AP1S2: variants seen among roughly 807,000 people sequenced by gnomAD.
AP1S2 encodes adaptor related protein complex 1 subunit sigma 2, also known as AP-1 complex subunit sigma-2.
A neutral mutation model predicts 14.3 loss-of-function variants in AP1S2; 1 was observed. The observed-to-expected ratio is 0.07, with a 90% CI of 0.02 to 0.33. The LOEUF (loss-of-function observed/expected upper bound fraction) is 0.33, where lower values mean the gene tolerates loss of function less well. Among genes scored for constraint, AP1S2 ranks in the 10% least tolerant of loss-of-function variants. AP1S2 has a pLI of 0.99. For synonymous variants in AP1S2, 30 were observed against 40.5 expected, an observed-to-expected ratio of 0.74 and a Z score of 0.99; for missense variants, 30 against 117.7, an observed-to-expected ratio of 0.25 and a Z score of 3.45.
intron 4 of AP1S2, among the ~76,000 whole-genome samples, 162 bp from the exon 5 acceptor site, chrX:15,828,362 T>A (rs1483997406): frequency 8.9e-6 from 1 of 111,887 alleles, no homozygotes; most frequent in African/African-American, 3.2e-5. Context: ...TAATAGTACT[T>A]ACCTTCATAT....
Position 15,852,266 on chromosome X carries a change from T to C in AP1S2, c.179+80A>G, listed in dbSNP as rs1934202324. ...ATCTTTATTAATCGTTATTTATAAA[T>C]GTCATCACTGAAGTCTGCAATTTCC... On this transcript the variant is annotated intron_variant, in intron 2 of 5. Transcript: ENST00000672987. The C allele has an allele frequency of 4.6e-6, 4 of 873,707 alleles. No individual in the cohort carries two copies. The Admixed American group carries it at 1.1e-4, about 24-fold the overall frequency. 72.0% of individuals were successfully genotyped at this position (873,707 alleles called of 1,213,427 possible).
chrX:15,834,487 T>TA (rs1304037944), intron 4 of AP1S2, among the ~76,000 whole-genome samples: 1 of 73,279 alleles, frequency 1.4e-5, no homozygotes, highest in Non-Finnish European at 2.6e-5. Context: ...TATAATTTTT[T>TA]TTTTTTGAGA....
intron 4 of AP1S2, chrX:15,833,326 C>A: frequency 1.2e-6 from 1 of 861,374 alleles, no homozygotes; most frequent in African/African-American, 2.2e-5. Flanking sequence ...CCAGGCATTT[C>A]CACCACTTAT....
chrX:15,828,160 T>A (rs1203863125), intron 5 of AP1S2, 32 bp downstream of exon 5: 1 of 1,064,407 alleles, frequency 9.4e-7, no homozygotes, highest in Non-Finnish European at 1.2e-6. Flanking sequence ...TGGAAAATAA[T>A]ATAAATTTTT....
intron 4 of AP1S2, among the ~76,000 whole-genome samples, chrX:15,837,281 T>C (rs1015493584): frequency 2.7e-5 from 3 of 111,920 alleles, no homozygotes; most frequent in Non-Finnish European, 5.6e-5. Context: ...AAAAAGTCTA[T>C]ATATGCAACA....
intron 4 of AP1S2, chrX:15,833,343 A>T: frequency 3.5e-6 from 3 of 859,630 alleles, no homozygotes; most frequent in Non-Finnish European, 4.2e-6. Flanking sequence ...TTATACCCTG[A>T]CACACCTTTT....
intron 2 of AP1S2, among the ~76,000 whole-genome samples, chrX:15,848,117 C>T (rs1362370901): frequency 9.0e-6 from 1 of 111,592 alleles, no homozygotes; most frequent in Admixed American, 9.5e-5. Flanking sequence ...TTTACTTTCA[C>T]TCGGAATGGA....
intron 4 of AP1S2, among the ~76,000 whole-genome samples, chrX:15,834,748 G>T (rs1933579292): frequency 9.7e-6 from 1 of 103,164 alleles, no homozygotes; most frequent in South Asian, 4.6e-4. Context: ...GCCTCCCAAA[G>T]TGCTGGGATT....
Position 15,850,186 on chromosome X carries a change from AC to A in AP1S2, c.179+2159del, listed in dbSNP as rs200525006. On this transcript the variant is annotated intron_variant, in intron 2 of 5. Transcript: ENST00000672987. Reference sequence around the variant, plus strand: ...ATTTTCCCCAGACTTCCATACTTACACCAACCACATCCCACCAGAAAATCAG... The same window carrying A: ...ATTTTCCCCAGACTTCCATACTTACACAACCACATCCCACCAGAAAATCAG... Among the ~76,000 whole-genome samples, 849 of 111,013 alleles carry A rather than the reference AC, an allele frequency of 7.6e-3. 26 individuals carry two copies. The highest frequency in any genetic ancestry group is 0.075 in the Admixed American group (779 of 10,376).
intron 4 of AP1S2, chrX:15,840,619 T>C: frequency 1.2e-6 from 1 of 846,596 alleles, no homozygotes; most frequent in Non-Finnish European, 1.6e-6. Flanking sequence ...AGAGAAAAAC[T>C]GGTAAGTGCT....
chrX:15,828,097 G>A, intron 5 of AP1S2, 95 bp downstream of exon 5: 1 of 629,792 alleles, frequency 1.6e-6, no homozygotes, highest in Non-Finnish European at 2.3e-6. Flanking sequence ...CCAACTTTCA[G>A]GTATTACTAG....
rs1161066866 is a variant in AP1S2 at position 15,834,439 on chromosome X, AATATATATATATAT to A, written c.427-6253_427-6240del. ...ATTCCACTCCCATTCTCCCTTCCAA[AATATATATATATAT>A]ATATATATATATATATATATATATA... On this transcript the variant is annotated intron_variant, in intron 4 of 5. Coordinates refer to ENST00000672987, the MANE Select transcript of AP1S2 (RefSeq NM_001272071.2). Among the ~76,000 whole-genome samples, 70 of 25,128 alleles carry A rather than the reference AATATATATATATAT, an allele frequency of 2.8e-3. 3 individuals are homozygous for A. Among genetic ancestry groups the A allele is most frequent in the Admixed American group, 0.011 (21 of 1,832 alleles). 21.8% of individuals were successfully genotyped at this position (25,128 alleles called of 115,157 possible).
At chrX:15,829,929 CTGCGTA>C in intron 4 of AP1S2, 1 of 180,651 alleles carries the variant, frequency 5.5e-6, no homozygotes, top group Non-Finnish European at 8.7e-6. Flanking sequence ...ACACTTAAAA[CTGCGTA>C]AGATGGTGAA....
At chrX:15,837,880 C>T (rs1460995860) in intron 4 of AP1S2, among the ~76,000 whole-genome samples, 1 of 111,171 alleles carries the variant, frequency 9.0e-6, no homozygotes, top group Non-Finnish European at 1.9e-5. Flanking sequence ...GCTGGGATTA[C>T]AGGCGTGAGC....
At chrX:15,832,568 C>A (rs995835527) in intron 4 of AP1S2, 3 of 754,372 alleles carry the variant, frequency 4.0e-6, no homozygotes, top group Non-Finnish European at 4.7e-6. Flanking sequence ...AAGTTAAAAT[C>A]ATATTAATAA....
intron 4 of AP1S2, chrX:15,840,623 A>G: frequency 1.2e-6 from 1 of 841,208 alleles, no homozygotes; most frequent in Non-Finnish European, 1.6e-6. Flanking sequence ...AAAAACTGGT[A>G]AGTGCTTGAC....
At chrX:15,851,574 G>C (rs1436014999) in intron 2 of AP1S2, among the ~76,000 whole-genome samples, 1 of 112,298 alleles carries the variant, frequency 8.9e-6, no homozygotes, top group African/African-American at 3.2e-5. Context: ...TGTAAAAGAA[G>C]AAAGTTTATT....
intron 5 of AP1S2, 143 bp from the exon 6 acceptor site, chrX:15,827,515 G>C: frequency 3.4e-6 from 2 of 581,955 alleles, no homozygotes; most frequent in Non-Finnish European, 5.8e-6. Flanking sequence ...GACAGCCATT[G>C]GTTATTTAGG....
intron 4 of AP1S2, 44 bp downstream of exon 4, chrX:15,845,335 G>A (rs1933969074): frequency 8.3e-6 from 10 of 1,205,304 alleles, no homozygotes; most frequent in African/African-American, 1.8e-5. Flanking sequence ...TCCCCAGCAA[G>A]AGCAAAACAT....
Sources: allele counts gnomAD v4.1 joint callset (sites outside exome capture counted in the v4.1 genomes callset), GRCh38; gene constraint gnomAD v4.1.1; transcripts MANE v1.5; gene names NCBI Gene and HGNC (gene_info 2026-07-23, HGNC 2026-07-21).